The following FAM222A variants were observed in gnomAD, a reference collection of about 807,000 sequenced individuals.
FAM222A encodes family with sequence similarity 222 member A.
Under a neutral mutation model 25.8 loss-of-function variants are expected in FAM222A, and 7 were observed. That is an observed-to-expected ratio of 0.27 (90% CI 0.15 to 0.51). The LOEUF is 0.51. Among genes scored for constraint, FAM222A ranks in the 20% least tolerant of loss-of-function variants. FAM222A has a pLI of 0.97. For missense variants in FAM222A, 573 were observed against 640.5 expected (o/e 0.89, Z 1.14); for synonymous variants, 294 against 298.8 (o/e 0.98, Z 0.17).
At chr12:109,724,031 C>T (rs991491146) in intron 1 of FAM222A, among the ~76,000 whole-genome samples, 7 of 152,202 alleles carry the variant, frequency 4.6e-5, no homozygotes, top group African/African-American at 1.2e-4. Flanking sequence ...AGAGCTGGGA[C>T]CCATCCCCGG....
chr12:109,735,041 C>G (rs1338152251), intron 1 of FAM222A: 1 of 152,766 alleles, frequency 6.5e-6, no homozygotes, highest in Non-Finnish European at 1.5e-5. Context: ...TCGAAGGCTC[C>G]ATTCATTTCT....
At chr12:109,732,707 A>G (rs1370696748) in intron 1 of FAM222A, among the ~76,000 whole-genome samples, 3 of 152,126 alleles carry the variant, frequency 2.0e-5, no homozygotes, top group Admixed American at 2.0e-4. Context: ...GGTGTGTGTG[A>G]GAGTGTACGC....
chr12:109,721,104 A>G (rs918454344), intron 1 of FAM222A, among the ~76,000 whole-genome samples: 1 of 152,076 alleles, frequency 6.6e-6, no homozygotes, highest in African/African-American at 2.4e-5. Flanking sequence ...TTTAATCCTC[A>G]TATCCCTCTC....
chr12:109,753,002 G>A (rs1888603781), intron 2 of FAM222A, among the ~76,000 whole-genome samples: 1 of 152,136 alleles, frequency 6.6e-6, no homozygotes, highest in African/African-American at 2.4e-5. Flanking sequence ...CCTACCCCTG[G>A]GCCAGCAGCC....
intron 2 of FAM222A, among the ~76,000 whole-genome samples, chr12:109,749,815 T>G (rs1888510398): frequency 6.6e-6 from 1 of 152,216 alleles, no homozygotes; most frequent in African/African-American, 2.4e-5. Context: ...TCCTAAGAGA[T>G]AAAATTGAAT....
chr12:109,768,567 C>T lies in FAM222A; in HGVS notation c.638C>T (p.Pro213Leu), dbSNP rs139699838. 52 of 1,601,434 alleles carry T rather than the reference C, an allele frequency of 3.2e-5. No homozygotes were observed. The highest frequency in any genetic ancestry group is 3.8e-5 in the Non-Finnish European group (45 of 1,175,480). Residue 213 changes from proline to leucine, a missense_variant, in exon 3 of 3, where the codon CCG (proline) becomes CTG (leucine). Pro to Leu is a moderately conservative substitution (Grantham distance 98, BLOSUM62 -3). Coordinates refer to ENST00000538780, the MANE Select transcript of FAM222A (RefSeq NM_032829.3). The part of the protein sequence containing the change: ...LYQLNQQCQA[P>L]GAAPPACQGM... ...CAGCTCAACCAGCAGTGCCAGGCCC[C>T]GGGCGCCGCACCCCCTGCCTGCCAG...
chr12:109,758,183 A>G (rs892508323), intron 2 of FAM222A, among the ~76,000 whole-genome samples: 2 of 152,188 alleles, frequency 1.3e-5, no homozygotes, highest in African/African-American at 4.8e-5. Flanking sequence ...CTGGGCACAC[A>G]TGTGAGCATC....
chr12:109,731,175 G>A (rs928889920), intron 1 of FAM222A, among the ~76,000 whole-genome samples: 3 of 152,092 alleles, frequency 2.0e-5, no homozygotes, highest in South Asian at 2.1e-4. Context: ...GACACTGTCC[G>A]TCAGGAGCCA....
intron 1 of FAM222A, among the ~76,000 whole-genome samples, chr12:109,728,913 C>G (rs1372591020): frequency 6.6e-6 from 1 of 152,108 alleles, no homozygotes; most frequent in Non-Finnish European, 1.5e-5. Flanking sequence ...CCCTACTATG[C>G]TCCTGAAAAC....
intron 1 of FAM222A, among the ~76,000 whole-genome samples, chr12:109,726,139 A>AAAG (rs1239280276): frequency 6.6e-6 from 1 of 151,654 alleles, no homozygotes. Context: ...AAAAAAAAAA[A>AAAG]AAGTTGGCAA....
At chr12:109,755,344 CT>C (rs1390586623) in intron 2 of FAM222A, among the ~76,000 whole-genome samples, 1 of 100,444 alleles carries the variant, frequency 1.0e-5, no homozygotes, top group African/African-American at 4.0e-5. Context: ...CAGAGTTTCA[CT>C]CTTGTTACCC....
In FAM222A at chr12:109,769,306, T is replaced by C. The variant is rs758353875; in HGVS notation, c.*18T>C. 15 of 1,593,346 alleles carry C rather than the reference T, an allele frequency of 9.4e-6. No homozygotes were observed. The highest frequency in any genetic ancestry group is 1.3e-5 in the African/African-American group (1 of 74,292). ...ACAGATAAGGCCTGCCCTGCGGACATACGGACATGCGGACAGGGCGCAGAG... is the reference window on the plus strand; with the variant it reads ...ACAGATAAGGCCTGCCCTGCGGACACACGGACATGCGGACAGGGCGCAGAG... On this transcript the variant is annotated 3_prime_UTR_variant, in exon 3 of 3. Transcript: ENST00000538780.
At chr12:109,759,792 C>T (rs1054961736) in intron 2 of FAM222A, among the ~76,000 whole-genome samples, 2 of 152,184 alleles carry the variant, frequency 1.3e-5, no homozygotes, top group Admixed American at 6.5e-5. Context: ...GGCCTGGGAG[C>T]GGGATTCTTT....
intron 1 of FAM222A, among the ~76,000 whole-genome samples, chr12:109,739,179 G>A (rs1042301216): frequency 3.0e-4 from 46 of 152,246 alleles, no homozygotes; most frequent in African/African-American, 9.4e-4. Context: ...GGGCCCTGCC[G>A]TGAAGCCAGG....
chr12:109,756,595 G>A (rs1282517777), intron 2 of FAM222A, among the ~76,000 whole-genome samples: 1 of 152,140 alleles, frequency 6.6e-6, no homozygotes, highest in Non-Finnish European at 1.5e-5. Context: ...CAAATGCTCT[G>A]TGTCTATTGG....
chr12:109,729,941 CT>C (rs1887914410), intron 1 of FAM222A, among the ~76,000 whole-genome samples: 1 of 152,248 alleles, frequency 6.6e-6, no homozygotes, highest in South Asian at 2.1e-4. Flanking sequence ...CTGCCTGAGG[CT>C]GCACAGCTAG....
rs775633177 is a variant in FAM222A at position 109,768,826 on chromosome 12, A to T, written c.897A>T (p.Pro299=). Residue 299 remains proline, a synonymous_variant, in exon 3 of 3, where the codon CCA becomes CCT. Coordinates refer to ENST00000538780, the MANE Select transcript of FAM222A (RefSeq NM_032829.3). The stretch of plus-strand genomic sequence containing the variant: ...AACCGCCCCCACCGCCGCCCCAGCC[A>T]CTGCGTGCCTACAGTGGGAGCACGG... ...PQKPPPPPPQ[P]LRAYSGSTVA... 1 of 1,577,782 alleles carries T rather than the reference A, an allele frequency of 6.3e-7. No homozygotes were observed. The highest frequency in any genetic ancestry group is 1.1e-5 in the South Asian group (1 of 87,700).
At chr12:109,719,182 C>A (rs1887704208) in intron 1 of FAM222A, among the ~76,000 whole-genome samples, 1 of 152,224 alleles carries the variant, frequency 6.6e-6, no homozygotes, top group Non-Finnish European at 1.5e-5. Flanking sequence ...GGATACAGGT[C>A]ACCAGACTAG....
In FAM222A at chr12:109,769,868, C is replaced by G. The variant is rs941916218; in HGVS notation, c.*580C>G. The G allele has an allele frequency of 6.5e-6, 1 of 154,052 alleles. No homozygotes were observed. The highest frequency in any genetic ancestry group is 1.9e-4 in the East Asian group (1 of 5,186). 9.5% of individuals were successfully genotyped at this position (154,052 alleles called of 1,614,324 possible). A position where few individuals can be genotyped will look rare whatever the true frequency, so the allele number is the denominator to read the frequency against. ...ATACCAGTCCCCCTGTTCCTCCTTC[C>G]CCTACCCCCACCATTCCTTCCTAAC... On this transcript the variant is annotated 3_prime_UTR_variant, in exon 3 of 3. Transcript: ENST00000538780.
Sources: gnomAD v4.1 joint callset for allele counts (sites outside exome capture counted in the v4.1 genomes callset) on GRCh38, gnomAD v4.1.1 for gene constraint, MANE v1.5 for transcripts, NCBI Gene and HGNC (gene_info 2026-07-23, HGNC 2026-07-21) for gene names.